BPIFC: variants seen among roughly 807,000 people sequenced by gnomAD.
BPIFC encodes the protein BPI fold containing family C, also known as BPI fold-containing family C protein.
A neutral mutation model predicts 57.6 loss-of-function variants in BPIFC; 60 were observed. The observed-to-expected ratio is 1.04, with a 90% CI of 0.85 to 1.29. BPIFC has a LOEUF of 1.29. Among genes scored for constraint, BPIFC ranks in the 50% most tolerant of loss-of-function variants. The probability of loss-of-function intolerance (pLI) is 0.00; values close to 1 mark genes in which losing one functional copy is unlikely to be tolerated. For missense variants in BPIFC, 581 were observed against 600.5 expected (o/e 0.97, Z 0.34); for synonymous variants, 243 against 224.5 (o/e 1.08, Z -0.74).
intron 7 of BPIFC, among the ~76,000 whole-genome samples, chr22:32,443,224 C>T (rs945563542): frequency 6.8e-6 from 1 of 147,056 alleles, no homozygotes; most frequent in Non-Finnish European, 1.5e-5. Flanking sequence ...AGTGCAGTGG[C>T]GCGATCTCGG....
At chr22:32,447,489 C>A in intron 4 of BPIFC, 149 bp from the exon 5 acceptor site, 1 of 898,236 alleles carries the variant, frequency 1.1e-6, no homozygotes, top group Non-Finnish European at 1.6e-6. Flanking sequence ...AAGGCTGTCT[C>A]TGGGGAACTG....
At chr22:32,447,455 C>T in intron 4 of BPIFC, 115 bp from the exon 5 acceptor site, 1 of 1,256,762 alleles carries the variant, frequency 8.0e-7, no homozygotes, top group Non-Finnish European at 1.1e-6. Flanking sequence ...TGAACTCCTA[C>T]AGAGAAAAGA....
At chr22:32,431,458 A>G (rs759851135) in intron 12 of BPIFC, 44 bp from the exon 13 acceptor site, 2 of 1,201,282 alleles carry the variant, frequency 1.7e-6, no homozygotes, top group Non-Finnish European at 2.4e-6. Context: ...AGTGAGTGTC[A>G]ATTTTGGCCA....
intron 4 of BPIFC, among the ~76,000 whole-genome samples, chr22:32,450,010 A>G (rs182473019): frequency 1.3e-4 from 20 of 152,042 alleles, no homozygotes; most frequent in African/African-American, 4.6e-4. Context: ...CTGGGATTAC[A>G]AGCGTGAGCC....
chr22:32,415,822 AAAC>A (rs960979201), intron 16 of BPIFC, 90 bp downstream of exon 16: 37 of 876,394 alleles, frequency 4.2e-5, no homozygotes, highest in African/African-American at 1.3e-4. Flanking sequence ...GGACAAAAAC[AAAC>A]AACAACAACA....
chr22:32,445,548 C>G, intron 7 of BPIFC, 87 bp downstream of exon 7: 1 of 1,376,514 alleles, frequency 7.3e-7, no homozygotes, highest in Non-Finnish European at 1.0e-6. Flanking sequence ...AAAAAACAAA[C>G]AAACAAACAA....
chr22:32,457,423 C>T (rs1475685055), intron 2 of BPIFC, 37 bp from the exon 3 acceptor site: 2 of 1,584,250 alleles, frequency 1.3e-6, no homozygotes, highest in African/African-American at 1.4e-5. Context: ...CTTTATTATT[C>T]TTGACTTTCT....
chr22:32,448,172 G>A (rs903636129), intron 4 of BPIFC, among the ~76,000 whole-genome samples: 1 of 151,500 alleles, frequency 6.6e-6, no homozygotes, highest in Non-Finnish European at 1.5e-5. Flanking sequence ...GGGTTCAAGG[G>A]ATTCTCCTGC....
rs117016330 is a variant in BPIFC at position 32,414,349 on chromosome 22, C to T, written c.1478G>A (p.Gly493Asp). The stretch of plus-strand genomic sequence containing the variant: ...CCACTGTCTGCTTATCAGGTTCAGA[C>T]CTTCCCATACGTGGAAACTTGGCTG... ...KQQPSFHVWE[G>D]LNLISRQWRG... is the part of the protein sequence containing the mutation. Residue 493 changes from glycine (G) to aspartate (D), a missense_variant, in exon 17 of 17, where the codon GGT becomes GAT. Gly to Asp is a moderately conservative substitution (Grantham distance 94, BLOSUM62 -1). Transcript: ENST00000300399. 72 of 1,614,014 alleles carry T rather than the reference C, an allele frequency of 4.5e-5. No individual in the cohort carries two copies. The highest frequency in any genetic ancestry group is 5.9e-5 in the Non-Finnish European group (70 of 1,179,910).
intron 2 of BPIFC, among the ~76,000 whole-genome samples, chr22:32,457,985 G>A (rs551279853): frequency 6.6e-6 from 1 of 152,162 alleles, no homozygotes; most frequent in South Asian, 2.1e-4. Context: ...TCTCTGCTTC[G>A]GCCATTGCTC....
intron 16 of BPIFC, 111 bp from the exon 17 acceptor site, chr22:32,414,536 G>C: frequency 1.5e-6 from 2 of 1,321,024 alleles, no homozygotes; most frequent in Non-Finnish European, 2.0e-6. Flanking sequence ...TTTTGAGATG[G>C]AGTCTCAAAG....
intron 7 of BPIFC, among the ~76,000 whole-genome samples, chr22:32,444,583 G>A (rs1934661265): frequency 1.3e-5 from 2 of 152,132 alleles, no homozygotes; most frequent in African/African-American, 2.4e-5. Flanking sequence ...GAAAGAGAGT[G>A]CATAGACAAT....
intron 7 of BPIFC, among the ~76,000 whole-genome samples, chr22:32,443,520 G>T (rs1397447798): frequency 6.6e-6 from 1 of 152,306 alleles, no homozygotes; most frequent in Admixed American, 6.5e-5. Flanking sequence ...TTATATCAGA[G>T]ATCTACTTAG....
intron 4 of BPIFC, among the ~76,000 whole-genome samples, chr22:32,450,490 G>C (rs545590325): frequency 5.3e-5 from 8 of 152,034 alleles, no homozygotes; most frequent in Non-Finnish European, 1.2e-4. Context: ...ATTTTAAAAA[G>C]GGAAAAGAGA....
intron 12 of BPIFC, 25 bp from the exon 13 acceptor site, chr22:32,431,439 A>ATTTATTTATTTATTTATTTTATTT: frequency 7.4e-7 from 1 of 1,343,076 alleles, no homozygotes; most frequent in Non-Finnish European, 1.1e-6. Flanking sequence ...AGCATTTATT[A>ATTTATTTATTTATTTATTTTATTT]TTAAGACGAG....
intron 9 of BPIFC, 45 bp downstream of exon 9, chr22:32,437,715 G>T: frequency 7.4e-7 from 1 of 1,356,316 alleles, no homozygotes; most frequent in Non-Finnish European, 1.1e-6. Context: ...TCTAAATATT[G>T]GCTGTTGACA....
chr22:32,455,573 C>T (rs932312667), intron 3 of BPIFC, among the ~76,000 whole-genome samples: 9 of 152,134 alleles, frequency 5.9e-5, no homozygotes, highest in African/African-American at 2.2e-4. Context: ...AAGGAGGCAG[C>T]TGAGGCTCAG....
intron 13 of BPIFC, among the ~76,000 whole-genome samples, chr22:32,425,693 T>A (rs1448469508): frequency 6.6e-6 from 1 of 152,160 alleles, no homozygotes; most frequent in East Asian, 1.9e-4. Context: ...GTCATTTCAT[T>A]TAAACCTTAC....
At chr22:32,429,842 A>G (rs569492241) in intron 13 of BPIFC, among the ~76,000 whole-genome samples, 155 of 152,196 alleles carry the variant, frequency 1.0e-3, no homozygotes, top group Non-Finnish European at 1.9e-3. Context: ...AATAGACTTC[A>G]TAACTACCAC....
Sources: allele counts gnomAD v4.1 joint callset (sites outside exome capture counted in the v4.1 genomes callset), GRCh38; gene constraint gnomAD v4.1.1; transcripts MANE v1.5; gene names NCBI Gene and HGNC (gene_info 2026-07-23, HGNC 2026-07-21).